Variants in ITSN1 observed in about 807,000 individuals in gnomAD.
The protein encoded by ITSN1 is intersectin 1, also known as intersectin-1.
Under a neutral mutation model 239.8 loss-of-function variants are expected in ITSN1, and 58 were observed. The observed-to-expected ratio is 0.24, with a 90% CI of 0.20 to 0.30. ITSN1 has a LOEUF of 0.30. Ranked by LOEUF, ITSN1 falls within the 10% of genes least tolerant of loss-of-function variation. ITSN1 has a pLI of 1.00. For synonymous variants in ITSN1, 780 were observed against 770.8 expected (o/e 1.01, Z -0.20); for missense variants, 1,558 against 2,103.3 (o/e 0.74, Z 5.07).
intron 29 of ITSN1, among the ~76,000 whole-genome samples, chr21:33,850,548 T>G (rs1450890250): frequency 2.6e-5 from 4 of 152,186 alleles, no homozygotes; most frequent in Non-Finnish European, 5.9e-5. Context: ...GGCCTGGGAC[T>G]CCCAGGTCTA....
chr21:33,796,187 G>A (rs1405661839), intron 17 of ITSN1, among the ~76,000 whole-genome samples: 1 of 151,890 alleles, frequency 6.6e-6, no homozygotes, highest in Non-Finnish European at 1.5e-5. Flanking sequence ...ACTCCTGGCT[G>A]GTCTAGAACT....
chr21:33,804,432 AGAAAC>A (rs1234760916), intron 20 of ITSN1, among the ~76,000 whole-genome samples: 1 of 152,234 alleles, frequency 6.6e-6, no homozygotes. Context: ...AAAAATCTAG[AGAAAC>A]ACATGAAAAG....
intron 8 of ITSN1, chr21:33,756,652 C>T (rs572935809): frequency 4.2e-4 from 64 of 152,200 alleles, no homozygotes; most frequent in Admixed American, 4.2e-3. Flanking sequence ...CAGCAGTCAC[C>T]CCAAATAAGC....
At chr21:33,849,677 A>C (rs2075098177) in intron 29 of ITSN1, among the ~76,000 whole-genome samples, 1 of 152,312 alleles carries the variant, frequency 6.6e-6, no homozygotes, top group South Asian at 2.1e-4. Flanking sequence ...GATTGTTTGT[A>C]ACACAAAGGA....
intron 1 of ITSN1, among the ~76,000 whole-genome samples, chr21:33,654,548 C>G (rs2088864226): frequency 6.6e-6 from 1 of 152,098 alleles, no homozygotes; most frequent in Non-Finnish European, 1.5e-5. Context: ...GCCCTTCAAC[C>G]TACACATCCA....
chr21:33,746,562 C>T (rs538102045), intron 5 of ITSN1, among the ~76,000 whole-genome samples: 3 of 152,278 alleles, frequency 2.0e-5, no homozygotes, highest in Admixed American at 6.5e-5. Flanking sequence ...AATAACTGGC[C>T]GGCCACAGTG....
chr21:33,860,993 G>A (rs777979658), intron 31 of ITSN1, among the ~76,000 whole-genome samples: 2 of 152,118 alleles, frequency 1.3e-5, no homozygotes, highest in South Asian at 2.1e-4. Context: ...CTCTATCCCC[G>A]TTCCTCTGAT....
intron 1 of ITSN1, among the ~76,000 whole-genome samples, chr21:33,666,354 TACTG>T (rs2089928135): frequency 6.6e-6 from 1 of 152,232 alleles, no homozygotes; most frequent in Admixed American, 6.5e-5. Context: ...TGGAACTAGA[TACTG>T]GTGGTGGTTG....
chr21:33,839,057 A>G (rs2074734794), intron 29 of ITSN1, among the ~76,000 whole-genome samples: 1 of 152,202 alleles, frequency 6.6e-6, no homozygotes, highest in Admixed American at 6.5e-5. Context: ...CTCTCCTGCC[A>G]TTCAGTGGAA....
intron 4 of ITSN1, among the ~76,000 whole-genome samples, chr21:33,723,372 T>C (rs1339174371): frequency 1.3e-5 from 2 of 152,162 alleles, no homozygotes; most frequent in African/African-American, 4.8e-5. Context: ...CCCAGCACTT[T>C]GGGAGGCCGA....
At position 33,819,315 on chromosome 21, in the gene ITSN1, C is replaced by T. The variant is rs772284990; in HGVS notation, c.3008C>T (p.Ser1003Leu). The change falls in exon 24 of 40, where the codon TCG becomes TTG. Residue 1003 changes from serine (S) to leucine (L), a missense_variant. Transcript: ENST00000381318. Reference sequence around the variant, plus strand: ...TCTCCAGCAGCCAAGCCGGTCGTTTCGGGAGAAGGTGAGGGCCTGAGTTGT... The same window carrying T: ...TCTCCAGCAGCCAAGCCGGTCGTTTTGGGAGAAGGTGAGGGCCTGAGTTGT... The part of the protein sequence containing the change: ...VASPAAKPVV[S>L]GEEFIAMYTY... 1.5e-5 allele frequency: 24 copies of T among 1,613,440 alleles called. No individual in the cohort carries two copies. The highest frequency in any genetic ancestry group is 1.8e-5 in the Non-Finnish European group (21 of 1,179,562).
intron 1 of ITSN1, among the ~76,000 whole-genome samples, chr21:33,713,903 C>G (rs952533801): frequency 7.8e-6 from 1 of 127,760 alleles, no homozygotes; most frequent in African/African-American, 3.0e-5. Context: ...GGCGCTATCT[C>G]GGCTCACTGC....
chr21:33,847,520 G>A lies in ITSN1; in HGVS notation c.3662-9216G>A, dbSNP rs145760725. On this transcript the variant is annotated intron_variant, in intron 29 of 39. Coordinates refer to ENST00000381318, the MANE Select transcript of ITSN1 (RefSeq NM_003024.3). ...ATAGGGAAGGTCACCGTACATCGCT[G>A]GGATCTGCTGTTCCATTCATAAGAT... Among the ~76,000 whole-genome samples the A allele has an allele frequency of 3.7e-4, 56 of 152,338 alleles. No homozygotes were observed. The Middle Eastern group carries it at 0.01, about 28-fold the overall frequency.
At chr21:33,715,681 G>T (rs1488636869) in intron 1 of ITSN1, among the ~76,000 whole-genome samples, 1 of 152,202 alleles carries the variant, frequency 6.6e-6, no homozygotes, top group South Asian at 2.1e-4. Flanking sequence ...CAAACCTCTG[G>T]TTAAATATGG....
intron 8 of ITSN1, 35 bp from the exon 9 acceptor site, chr21:33,761,888 C>CTCATCTGTATGTCCTTTTCCTGGT: frequency 6.6e-7 from 1 of 1,519,602 alleles, no homozygotes; most frequent in East Asian, 2.3e-5. Flanking sequence ...TATTTGCTGA[C>CTCATCTGTATGTCCTTTTCCTGGT]TCATCTGTAT....
intron 2 of ITSN1, among the ~76,000 whole-genome samples, chr21:33,719,943 C>G (rs2065384103): frequency 6.6e-6 from 1 of 152,138 alleles, no homozygotes; most frequent in Non-Finnish European, 1.5e-5. Flanking sequence ...ACGGATTACT[C>G]TTGGAAGCTG....
intron 29 of ITSN1, among the ~76,000 whole-genome samples, chr21:33,840,686 T>C (rs1399837906): frequency 1.3e-5 from 2 of 151,458 alleles, no homozygotes; most frequent in Non-Finnish European, 2.9e-5. Flanking sequence ...TTAGTAGAGA[T>C]GGGGTTTCAC....
At chr21:33,782,717 T>C (rs1176850827) in intron 16 of ITSN1, among the ~76,000 whole-genome samples, 1 of 152,138 alleles carries the variant, frequency 6.6e-6, no homozygotes, top group Non-Finnish European at 1.5e-5. Flanking sequence ...ACTTTACAAC[T>C]GTATCATCTT....
At chr21:33,664,319 C>T (rs987612428) in intron 1 of ITSN1, among the ~76,000 whole-genome samples, 1 of 152,038 alleles carries the variant, frequency 6.6e-6, no homozygotes, top group Non-Finnish European at 1.5e-5. Flanking sequence ...GGTGCCGCTG[C>T]TGTGCTAAGG....
Sources: gnomAD v4.1 joint callset for allele counts (sites outside exome capture counted in the v4.1 genomes callset) on GRCh38, gnomAD v4.1.1 for gene constraint, MANE v1.5 for transcripts, NCBI Gene and HGNC (gene_info 2026-07-23, HGNC 2026-07-21) for gene names.